Variants in TNFRSF11A observed in about 807,000 individuals in gnomAD.
TNFRSF11A encodes tumor necrosis factor receptor superfamily member 11A.
In TNFRSF11A, 32 loss-of-function variants were observed where a neutral mutation model predicts 55.7. That is an observed-to-expected ratio of 0.57 (90% confidence interval 0.43 to 0.77). The LOEUF is 0.77. Among genes scored for constraint, TNFRSF11A ranks in the 30% least tolerant of loss-of-function variants. TNFRSF11A has a pLI of 0.00. For missense variants in TNFRSF11A, 753 were observed against 809.8 expected (o/e 0.93, Z 0.85); for synonymous variants, 311 against 331.0 (o/e 0.94, Z 0.65).
chr18:62,366,885 G>A lies in TNFRSF11A; in HGVS notation c.783+125G>A. 7.9e-6 allele frequency: 8 copies of A among 1,013,068 alleles called. No homozygotes were observed. The South Asian group carries it at 1.0e-4, about 13-fold the overall frequency. 62.8% of individuals were successfully genotyped at this position (1,013,068 alleles called of 1,614,324 possible). A position where few individuals can be genotyped will look rare whatever the true frequency, so the allele number is the denominator to read the frequency against. On this transcript the variant is annotated intron_variant, in intron 8 of 9. Transcript: ENST00000586569. The stretch of plus-strand genomic sequence containing the variant: ...TTTTTTTGAGACGGAGTCTCGCTCT[G>A]TGCCTCAGGCTGGAGTGCAGGGGTG...
At chr18:62,345,639 C>T (rs1028827799) in intron 1 of TNFRSF11A, among the ~76,000 whole-genome samples, 2 of 152,162 alleles carry the variant, frequency 1.3e-5, no homozygotes, top group African/African-American at 2.4e-5. Context: ...TAGATAGCCG[C>T]GATGGTTGTT....
chr18:62,390,225 C>G lies in TNFRSF11A; in HGVS notation c.*5191C>G, dbSNP rs959728505. 6.6e-6 allele frequency: 1 copy of G among 152,212 alleles called. No homozygotes were observed. The highest frequency in any genetic ancestry group is 1.5e-5 in the Non-Finnish European group (1 of 68,050). The allele number at this position is 152,212 out of a possible 1,614,324, so 9.4% of individuals were successfully genotyped here. A position where few individuals can be genotyped will look rare whatever the true frequency, so the allele number is the denominator to read the frequency against. ...TTTGCAACTAGGTCGGAGGGACGCA[C>G]CTTCTCCACAGTTGACAGGACTGTT... On this transcript the variant is annotated 3_prime_UTR_variant, in exon 10 of 10. Transcript: ENST00000586569.
Position 62,361,727 on chromosome 18 carries a change from T to C in TNFRSF11A, c.664T>C (p.Ser222Pro). 1 of 1,614,222 alleles carries C rather than the reference T, an allele frequency of 6.2e-7. No homozygotes were observed. Among genetic ancestry groups the C allele is most frequent in the Non-Finnish European group, 8.5e-7 (1 of 1,180,030 alleles). ...TTTAATAATTCTGCTTCTCTTCGCG[T>C]CTGTGGCCCTGGTGGCTGCCATCAT... ...PGLIILLLFA[S>P]VALVAAIIFG... The change falls in exon 7 of 10, where the codon TCT becomes CCT. Residue 222 changes from serine (S) to proline (P), a missense_variant. Physicochemically the swap from Ser to Pro is moderately conservative, Grantham distance 74. Around this residue, in one of 3 missense-constraint regions of TNFRSF11A, gnomAD observed 567 missense variants for 596.7 expected, o/e 0.95. Transcript: ENST00000586569.
At chr18:62,360,073 G>A (rs761035731) in intron 6 of TNFRSF11A, 24 bp downstream of exon 6, 52 of 1,601,084 alleles carry the variant, frequency 3.2e-5, no homozygotes, top group Non-Finnish European at 4.1e-5. Flanking sequence ...GAGCCTGTTG[G>A]TTGATAGATG....
chr18:62,327,965 T>G (rs2145229530), intron 1 of TNFRSF11A, among the ~76,000 whole-genome samples: 1 of 152,370 alleles, frequency 6.6e-6, no homozygotes, highest in South Asian at 2.1e-4. Context: ...AAAATATAGA[T>G]GCACACTGTT....
chr18:62,332,127 G>A lies in TNFRSF11A; in HGVS notation c.75+6700G>A, dbSNP rs141362220. The stretch of plus-strand genomic sequence containing the variant: ...TGTTTAGCTCTTGGTGAATGTGATG[G>A]CTAAGCTGGGCAATGGGGAAAGATT... On this transcript the variant is annotated intron_variant, in intron 1 of 9. Coordinates refer to ENST00000586569, the MANE Select transcript of TNFRSF11A (RefSeq NM_003839.4). 3.0e-4 allele frequency among the ~76,000 whole-genome samples: 46 copies of A among 152,298 alleles called. No individual in the cohort carries two copies. In the East Asian group the frequency reaches 8.3e-3, roughly 27 times the overall value.
chr18:62,326,675 G>C (rs1340951205), intron 1 of TNFRSF11A, among the ~76,000 whole-genome samples: 2 of 152,214 alleles, frequency 1.3e-5, no homozygotes, highest in African/African-American at 2.4e-5. Context: ...AAAGGCGTTC[G>C]GTTCTAATAT....
intron 1 of TNFRSF11A, among the ~76,000 whole-genome samples, chr18:62,333,766 G>A (rs569478743): frequency 6.6e-6 from 1 of 152,182 alleles, no homozygotes; most frequent in South Asian, 2.1e-4. Context: ...GGGACAGAAA[G>A]CTTTTTGGTA....
In TNFRSF11A at chr18:62,369,034, C is replaced by T. The variant is rs1320800536; in HGVS notation, c.1117C>T (p.Pro373Ser). The stretch of plus-strand genomic sequence containing the variant: ...TGAGCCTGGAAGCAAATCCACACCT[C>T]CTTTCTCTGAACCCCTGGAGGTGGG... ...LTEPGSKSTP[P>S]FSEPLEVGEN... Residue 373 changes from proline to serine, a missense_variant, in exon 9 of 10, where the codon CCT (proline) becomes TCT (serine). Pro to Ser is a moderately conservative substitution (Grantham distance 74). Around this residue, in one of 3 missense-constraint regions of TNFRSF11A, gnomAD observed 567 missense variants for 596.7 expected, o/e 0.95. Transcript: ENST00000586569. 1.9e-6 allele frequency: 3 copies of T among 1,614,142 alleles called. No individual in the cohort carries two copies. In the African/African-American group the frequency reaches 4.0e-5, roughly 22 times the overall value.
At chr18:62,384,638 G>A (rs1290793075) in intron 9 of TNFRSF11A, 113 bp from the exon 10 acceptor site, 4 of 1,306,802 alleles carry the variant, frequency 3.1e-6, no homozygotes, top group African/African-American at 2.9e-5. Context: ...CTGTGGCCCC[G>A]GGCTGTGGGA....
At chr18:62,339,276 A>AGTCTCCCATTTGCTCTGTCCTC (rs1568474240) in intron 1 of TNFRSF11A, among the ~76,000 whole-genome samples, 1 of 151,908 alleles carries the variant, frequency 6.6e-6, no homozygotes. Context: ...CACCTGCCCG[A>AGTCTCCCATTTGCTCTGTCCTC]GTCTCCCATT....
chr18:62,354,355 C>G, intron 3 of TNFRSF11A, 36 bp from the exon 4 acceptor site: 1 of 1,531,618 alleles, frequency 6.5e-7, no homozygotes, highest in East Asian at 2.4e-5. Context: ...CTGCCTGCCC[C>G]TCCCTGGCCA....
intron 1 of TNFRSF11A, among the ~76,000 whole-genome samples, chr18:62,340,735 G>A (rs2046299703): frequency 6.6e-6 from 1 of 152,096 alleles, no homozygotes; most frequent in Admixed American, 6.5e-5. Flanking sequence ...ATCTACCTCT[G>A]TTGTGACTTA....
rs1910291452 is a variant in TNFRSF11A, at chr18:62,368,823, A to G, written c.906A>G (p.Pro302=). ...EKTFPEDMCY[P]DQGGVCQGTC... ...CATTTCCAGAAGATATGTGCTACCC[A>G]GATCAAGGTGGTGTCTGTCAGGGCA... Residue 302 remains proline, a synonymous_variant, in exon 9 of 10, where the codon CCA becomes CCG. Coordinates refer to ENST00000586569, the MANE Select transcript of TNFRSF11A (RefSeq NM_003839.4). 1 of 1,614,146 alleles carries G rather than the reference A, an allele frequency of 6.2e-7. No homozygotes were observed. The highest frequency in any genetic ancestry group is 1.7e-5 in the Admixed American group (1 of 60,012).
intron 1 of TNFRSF11A, among the ~76,000 whole-genome samples, chr18:62,334,821 TACTTGGAGTGAGATCAGG>T (rs2046206002): frequency 6.6e-6 from 1 of 152,196 alleles, no homozygotes; most frequent in African/African-American, 2.4e-5. Flanking sequence ...CTCAAGCTTT[TACTTGGAGTGAGATCAGG>T]AGACACTAGC....
At chr18:62,372,669 C>A (rs919102687) in intron 9 of TNFRSF11A, among the ~76,000 whole-genome samples, 6 of 152,106 alleles carry the variant, frequency 3.9e-5, no homozygotes, top group Non-Finnish European at 8.8e-5. Flanking sequence ...CTCTCCCCTG[C>A]CTAGTTAGAA....
chr18:62,385,017 G>C lies in TNFRSF11A; in HGVS notation c.1834G>C (p.Gly612Arg). The C allele has an allele frequency of 6.7e-7, 1 of 1,482,634 alleles. No homozygotes were observed. Among genetic ancestry groups the C allele is most frequent in the Non-Finnish European group, 8.9e-7 (1 of 1,125,800 alleles). 91.8% of individuals were successfully genotyped at this position (1,482,634 alleles called of 1,614,324 possible). A position where few individuals can be genotyped will look rare whatever the true frequency, so the allele number is the denominator to read the frequency against. ...EKASRPVQEQ[G>R]GAKA ...GGCCTCGAGGCCGGTGCAGGAGCAA[G>C]GCGGGGCCAAGGCTTGAGCGCCCCC... Residue 612 changes from glycine (G) to arginine (R), a missense_variant, in exon 10 of 10, where the codon GGC becomes CGC. By Grantham distance (125) the Gly-to-Arg change is moderately radical. Coordinates refer to ENST00000586569, the MANE Select transcript of TNFRSF11A (RefSeq NM_003839.4).
intron 7 of TNFRSF11A, among the ~76,000 whole-genome samples, chr18:62,364,155 G>A (rs549293730): frequency 1.4e-4 from 21 of 152,340 alleles, no homozygotes; most frequent in Middle Eastern, 3.4e-3. Flanking sequence ...TCCCAGAGGA[G>A]GAAATGGGTG....
At chr18:62,371,268 C>T (rs1910530737) in intron 9 of TNFRSF11A, among the ~76,000 whole-genome samples, 1 of 152,132 alleles carries the variant, frequency 6.6e-6, no homozygotes, top group African/African-American at 2.4e-5. Context: ...CAGGGGCAGA[C>T]CGGTTTTTCA....
Sources: allele counts gnomAD v4.1 joint callset (sites outside exome capture counted in the v4.1 genomes callset), GRCh38; gene constraint gnomAD v4.1.1; regional missense constraint gnomAD v4.1.1; transcripts MANE v1.5; gene names NCBI Gene and HGNC (gene_info 2026-07-23, HGNC 2026-07-21).